Variants in CWC25 observed in about 807,000 individuals in gnomAD.
The protein encoded by CWC25 is CWC25 spliceosome associated protein, also known as pre-mRNA-splicing factor CWC25 homolog.
Under a neutral mutation model 54.6 loss-of-function variants are expected in CWC25, and 31 were observed. The ratio of observed to expected loss-of-function variants is 0.57; its 90% CI spans 0.43 to 0.77. CWC25 has a LOEUF of 0.77. Among genes scored for constraint, CWC25 ranks in the 30% least tolerant of loss-of-function variants. The pLI is 0.00. For synonymous variants in CWC25, 151 were observed against 187.0 expected, an observed-to-expected ratio of 0.81 and a Z score of 1.57; for missense variants, 453 against 529.3, an observed-to-expected ratio of 0.86 and a Z score of 1.41.
chr17:38,816,282 T>C (rs1911695996), intron 2 of CWC25, among the ~76,000 whole-genome samples: 2 of 152,198 alleles, frequency 1.3e-5, no homozygotes, highest in Non-Finnish European at 2.9e-5. Flanking sequence ...AGGGTCTCAC[T>C]CTGTCACCCA....
intron 6 of CWC25, 133 bp from the exon 7 acceptor site, chr17:38,807,109 G>C: frequency 1.6e-6 from 1 of 617,672 alleles, no homozygotes; most frequent in Non-Finnish European, 2.8e-6. Context: ...GATCACCTGA[G>C]GTCAGGAGTT....
rs1289416862 is a variant in CWC25, at chr17:38,800,900, C to T, written c.*1192G>A. On this transcript the variant is annotated 3_prime_UTR_variant, in exon 10 of 10. Transcript: ENST00000614790. Reference sequence around the variant, plus strand: ...CTGGGTTCACGCCATTCTCCTGCCTCAGCCTCCCGAGTAGCTGGGACTACA... The same window carrying T: ...CTGGGTTCACGCCATTCTCCTGCCTTAGCCTCCCGAGTAGCTGGGACTACA... 2.6e-5 allele frequency: 4 copies of T among 152,192 alleles called. No homozygotes were observed. The highest frequency in any genetic ancestry group is 6.5e-5 in the Admixed American group (1 of 15,268). The allele number at this position is 152,192 out of a possible 1,614,324, so 9.4% of individuals were successfully genotyped here. A position where few individuals can be genotyped will look rare whatever the true frequency, so the allele number is the denominator to read the frequency against.
chr17:38,815,145 T>G (rs1322053968), intron 2 of CWC25, 48 bp from the exon 3 acceptor site: 1 of 1,547,708 alleles, frequency 6.5e-7, no homozygotes. Context: ...AAAAGCAGAC[T>G]TCTGCAAACC....
rs1567668101 is a variant in CWC25, at chr17:38,801,812, AG to A, written c.*279del. 9.9e-6 allele frequency: 3 copies of A among 302,978 alleles called. No homozygotes were observed. Among genetic ancestry groups the A allele is most frequent in the East Asian group, 1.2e-4 (2 of 16,992 alleles). 18.8% of individuals were successfully genotyped at this position (302,978 alleles called of 1,614,324 possible). On this transcript the variant is annotated 3_prime_UTR_variant, in exon 10 of 10. Coordinates refer to ENST00000614790, the MANE Select transcript of CWC25 (RefSeq NM_017748.5). ...GTGGCATGATAAACATCACAACCCC[AG>A]GGAACAGCCTTCCAGAGTGGCACAA...
chr17:38,811,969 G>A (rs942882568), intron 4 of CWC25, among the ~76,000 whole-genome samples: 1 of 150,190 alleles, frequency 6.7e-6, no homozygotes. Flanking sequence ...ACAGAGTTTC[G>A]CTCTTGTTGC....
At position 38,825,292 on chromosome 17, in the gene CWC25, G is replaced by T; in HGVS notation, c.-109C>A. ...TACCTCGCGGGATCTAGTCCCAGGA[G>T]CCGTCAACTGCCAGTTTCACCACCG... On this transcript the variant is annotated 5_prime_UTR_variant, in exon 1 of 10. Transcript: ENST00000614790. The T allele has an allele frequency of 8.7e-7, 1 of 1,154,970 alleles. No homozygotes were observed. 71.5% of individuals were successfully genotyped at this position (1,154,970 alleles called of 1,614,324 possible). A position where few individuals can be genotyped will look rare whatever the true frequency, so the allele number is the denominator to read the frequency against.
In CWC25 at chr17:38,807,775, A is replaced by G. The variant is rs1199720901; in HGVS notation, c.691-799T>C. Among the ~76,000 whole-genome samples the G allele has an allele frequency of 1.7e-4, 22 of 133,232 alleles. 2 individuals are homozygous for G. Among genetic ancestry groups the G allele is most frequent in the African/African-American group, 6.0e-4 (21 of 34,984 alleles). The allele number at this position is 133,232 out of a possible 152,430, so 87.4% of individuals were successfully genotyped here. A position where few individuals can be genotyped will look rare whatever the true frequency, so the allele number is the denominator to read the frequency against. On this transcript the variant is annotated intron_variant, in intron 6 of 9. Transcript: ENST00000614790. ...TGTCTCAAAAAAAAAAAAAAAAAAG[A>G]TGGCTGGGTGCTGTGGCTCATGCCT...
At chr17:38,813,455 G>A (rs551180819) in intron 3 of CWC25, among the ~76,000 whole-genome samples, 6 of 151,236 alleles carry the variant, frequency 4.0e-5, no homozygotes, top group Non-Finnish European at 8.8e-5. Context: ...TCTGGGTGAC[G>A]GAGTGAGACC....
At position 38,801,090 on chromosome 17, in the gene CWC25, TTTG is replaced by T. The variant is rs1351581386; in HGVS notation, c.*999_*1001del. On this transcript the variant is annotated 3_prime_UTR_variant, in exon 10 of 10. Transcript: ENST00000614790. Reference sequence around the variant, plus strand: ...GTGAGCCACCGCGCCCAGCCTGTTTTTTGTTTTTTTTTTAGTACCTGACTGAAA... The same window carrying T: ...GTGAGCCACCGCGCCCAGCCTGTTTTTTTTTTTTTTAGTACCTGACTGAAA... The T allele has an allele frequency of 1.4e-5, 2 of 146,808 alleles. No homozygotes were observed. Among genetic ancestry groups the T allele is most frequent in the African/African-American group, 5.5e-5 (2 of 36,318 alleles). 9.1% of individuals were successfully genotyped at this position (146,808 alleles called of 1,614,324 possible). A position where few individuals can be genotyped will look rare whatever the true frequency, so the allele number is the denominator to read the frequency against.
rs1365454801 is a variant in CWC25 at position 38,825,233 on chromosome 17, A to T, written c.-50T>A. 2.6e-6 allele frequency: 4 copies of T among 1,562,190 alleles called. No homozygotes were observed. The East Asian group carries it at 7.2e-5, about 28-fold the overall frequency. ...CGCGGATCTGGAAGATTTCGGGAGG[A>T]TCAAGAGAAAACGTAGAGAAATAGT... On this transcript the variant is annotated 5_prime_UTR_variant, in exon 1 of 10. Transcript: ENST00000614790.
Position 38,825,268 on chromosome 17 carries a change from AC to A in CWC25, c.-86del. 1 of 1,430,160 alleles carries A rather than the reference AC, an allele frequency of 7.0e-7. No homozygotes were observed. The highest frequency in any genetic ancestry group is 9.5e-7 in the Non-Finnish European group (1 of 1,055,238). The allele number at this position is 1,430,160 out of a possible 1,614,324, so 88.6% of individuals were successfully genotyped here. On this transcript the variant is annotated 5_prime_UTR_variant, in exon 1 of 10. Transcript: ENST00000614790. ...AACGTAGAGAAATAGTTCGGGGGCT[AC>A]CTCGCGGGATCTAGTCCCAGGAGCC...
chr17:38,802,128 AG>A lies in CWC25; in HGVS notation c.1241del (p.Thr414IlefsTer3). On this transcript the variant is annotated frameshift_variant, in exon 10 of 10. Transcript: ENST00000614790. LOFTEE classifies it high-confidence loss of function. ...VKRNIYSLQR[T>X]SVALEKNFMK... The stretch of plus-strand genomic sequence containing the variant: ...TAAAGTTCTTCTCCAGAGCTACCGA[AG>A]TTCTCTGTAAAGAGTAGATATTCCG... 1 of 1,613,658 alleles carries A rather than the reference AG, an allele frequency of 6.2e-7. No individual in the cohort carries two copies. The highest frequency in any genetic ancestry group is 2.2e-5 in the East Asian group (1 of 44,888).
chr17:38,814,745 C>CAAAAAAAAAAAAAAAAAAA (rs71138658), intron 3 of CWC25, 116 bp downstream of exon 3: 1 of 354,626 alleles, frequency 2.8e-6, no homozygotes, highest in Non-Finnish European at 4.5e-6. Flanking sequence ...GACTCCGTCT[C>CAAAAAAAAAAAAAAAAAAA]AAAAAAAAAA....
intron 3 of CWC25, 131 bp downstream of exon 3, chr17:38,814,730 A>G: frequency 1.4e-6 from 1 of 708,266 alleles, no homozygotes; most frequent in Non-Finnish European, 2.2e-6. Context: ...TGGGCGACAG[A>G]GCGAGACTCC....
At chr17:38,813,301 A>G (rs528245786) in intron 3 of CWC25, among the ~76,000 whole-genome samples, 59 of 96,460 alleles carry the variant, frequency 6.1e-4, no homozygotes, top group Non-Finnish European at 1.0e-3. Context: ...GTCTCTACCA[A>G]AAAAAACAAA....
At chr17:38,812,613 T>C (rs538553166) in intron 4 of CWC25, among the ~76,000 whole-genome samples, 182 bp downstream of exon 4, 103 of 151,314 alleles carry the variant, frequency 6.8e-4, no homozygotes, top group African/African-American at 2.1e-3. Flanking sequence ...GGCAACAAGA[T>C]TGAAACTCCG....
In CWC25 at chr17:38,801,545, T is replaced by A. The variant is rs1365552366; in HGVS notation, c.*547A>T. The A allele has an allele frequency of 6.6e-6, 1 of 152,300 alleles. No homozygotes were observed. Among genetic ancestry groups the A allele is most frequent in the Non-Finnish European group, 1.5e-5 (1 of 68,080 alleles). The allele number at this position is 152,300 out of a possible 1,614,324, so 9.4% of individuals were successfully genotyped here. A position where few individuals can be genotyped will look rare whatever the true frequency, so the allele number is the denominator to read the frequency against. ...TACATATACGCATTACAATTTTACA[T>A]CCAAAGATCAAATAGTTAACAGTTC... On this transcript the variant is annotated 3_prime_UTR_variant, in exon 10 of 10. Transcript: ENST00000614790.
At chr17:38,817,327 G>A (rs1228801889) in intron 2 of CWC25, among the ~76,000 whole-genome samples, 6 of 149,436 alleles carry the variant, frequency 4.0e-5, no homozygotes, top group African/African-American at 7.4e-5. Flanking sequence ...GTGACAGTGC[G>A]AGACTCGGTC....
intron 4 of CWC25, among the ~76,000 whole-genome samples, chr17:38,811,584 C>T (rs1355981949): frequency 1.3e-5 from 2 of 151,160 alleles, no homozygotes; most frequent in Non-Finnish European, 2.9e-5. Flanking sequence ...CCCTATCAGT[C>T]TCCTTTGAGG....
Sources: gnomAD v4.1 joint callset for allele counts (sites outside exome capture counted in the v4.1 genomes callset) on GRCh38, gnomAD v4.1.1 for gene constraint, MANE v1.5 for transcripts, NCBI Gene and HGNC (gene_info 2026-07-23, HGNC 2026-07-21) for gene names.